BLTP3B: variants seen among roughly 807,000 people sequenced by gnomAD.
BLTP3B encodes the protein UHRF1 (ICBP90) binding protein 1-like.
chr12:100,041,973 G>A, the BLTP3B span, among the ~76,000 whole-genome samples: 1 of 152,086 alleles, frequency 6.6e-6, no homozygotes, highest in Non-Finnish European at 1.5e-5. Context: ...TCTATAATGT[G>A]TAATAAAGAA....
chr12:100,106,724 A>G, the BLTP3B span, among the ~76,000 whole-genome samples: 11 of 152,220 alleles, frequency 7.2e-5, no homozygotes, highest in African/African-American at 2.7e-4. Context: ...CATGTAAACA[A>G]AAACCACTTG....
At chr12:100,045,900 C>A in the BLTP3B span, among the ~76,000 whole-genome samples, 1 of 152,134 alleles carries the variant, frequency 6.6e-6, no homozygotes, top group African/African-American at 2.4e-5. Context: ...CAAACAACCC[C>A]ATTAAAAAGT....
the BLTP3B span, chr12:100,051,316 A>T: frequency 8.8e-7 from 1 of 1,130,552 alleles, no homozygotes; most frequent in Non-Finnish European, 1.2e-6. Flanking sequence ...CTATCCCTTC[A>T]ACTCTTTCTC....
At chr12:100,142,385 C>G in the BLTP3B span, among the ~76,000 whole-genome samples, 4 of 152,182 alleles carry the variant, frequency 2.6e-5, no homozygotes, top group African/African-American at 9.7e-5. Context: ...GGAGAAGACG[C>G]GTCAGGGGCC....
At chr12:100,038,137 A>G in the BLTP3B span, among the ~76,000 whole-genome samples, 1 of 152,034 alleles carries the variant, frequency 6.6e-6, no homozygotes, top group African/African-American at 2.4e-5. Flanking sequence ...CAACCTATGT[A>G]TGCCCTTTTC....
the BLTP3B span, among the ~76,000 whole-genome samples, chr12:100,061,996 C>G: frequency 1.3e-5 from 2 of 152,152 alleles, no homozygotes; most frequent in African/African-American, 4.8e-5. Context: ...TGGGTGGGCC[C>G]TAGTCCATTA....
At chr12:100,068,148 G>GGAC in the BLTP3B span, among the ~76,000 whole-genome samples, 5 of 152,114 alleles carry the variant, frequency 3.3e-5, no homozygotes, top group African/African-American at 1.2e-4. Context: ...ATAAAAATAG[G>GGAC]CACACAGACC....
the BLTP3B span, among the ~76,000 whole-genome samples, chr12:100,039,009 C>T: frequency 6.6e-6 from 1 of 152,128 alleles, no homozygotes; most frequent in Non-Finnish European, 1.5e-5. Flanking sequence ...ACTTTGAGTT[C>T]TTCAATAGTC....
chr12:100,069,939 A>G, the BLTP3B span: 7 of 1,154,012 alleles, frequency 6.1e-6, no homozygotes, highest in South Asian at 2.6e-4. Context: ...TTATTTAAGA[A>G]AAACAATTAT....
the BLTP3B span, chr12:100,050,991 TATGA>T: frequency 6.5e-7 from 1 of 1,531,278 alleles, no homozygotes; most frequent in East Asian, 2.3e-5. Context: ...TCATTTTATA[TATGA>T]ATGTCTCAAA....
At chr12:100,039,070 A>T in the BLTP3B span, among the ~76,000 whole-genome samples, 3 of 152,182 alleles carry the variant, frequency 2.0e-5, no homozygotes, top group Non-Finnish European at 4.4e-5. Context: ...GCTGACATTG[A>T]ATAAATCCTC....
the BLTP3B span, chr12:100,098,579 A>G: frequency 6.4e-7 from 1 of 1,567,898 alleles, no homozygotes; most frequent in South Asian, 1.2e-5. Flanking sequence ...ACTAATGACA[A>G]AACTAATTTT....
the BLTP3B span, among the ~76,000 whole-genome samples, chr12:100,052,178 A>G: frequency 6.6e-6 from 1 of 151,696 alleles, no homozygotes; most frequent in Non-Finnish European, 1.5e-5. Flanking sequence ...GAGTATCTGG[A>G]ATTACAGGAA....
the BLTP3B span, among the ~76,000 whole-genome samples, chr12:100,121,085 C>T: frequency 5.3e-5 from 8 of 152,126 alleles, no homozygotes; most frequent in East Asian, 1.9e-4. Context: ...CAGTGGCACA[C>T]GCCTGTAATC....
chr12:100,079,683 G>T, the BLTP3B span, among the ~76,000 whole-genome samples: 2 of 152,214 alleles, frequency 1.3e-5, no homozygotes, highest in Non-Finnish European at 2.9e-5. Flanking sequence ...CGTAAGTAAA[G>T]AGAAGCCTAA....
At chr12:100,059,527 T>C in the BLTP3B span, 2 of 1,587,288 alleles carry the variant, frequency 1.3e-6, no homozygotes, top group Admixed American at 3.7e-5. Flanking sequence ...TCAGAAGGAA[T>C]GACAAACTAG....
At chr12:100,081,859 T>C in the BLTP3B span, among the ~76,000 whole-genome samples, 5 of 152,362 alleles carry the variant, frequency 3.3e-5, no homozygotes, top group South Asian at 8.3e-4. Flanking sequence ...TTGTGAATAG[T>C]GCTGCCATGA....
the BLTP3B span, among the ~76,000 whole-genome samples, chr12:100,121,634 C>T: frequency 6.6e-6 from 1 of 151,996 alleles, no homozygotes; most frequent in Non-Finnish European, 1.5e-5. Context: ...AGTTTGAGAC[C>T]AGTCTGACCA....
the BLTP3B span, among the ~76,000 whole-genome samples, chr12:100,134,607 ACT>A: frequency 1.4e-5 from 2 of 138,866 alleles, no homozygotes; most frequent in African/African-American, 6.1e-5. Context: ...ACAGAACGAG[ACT>A]CTGTCTCAAA....
Sources: gnomAD v4.1 joint callset for allele counts (sites outside exome capture counted in the v4.1 genomes callset) on GRCh38, gnomAD v4.1.1 for gene constraint, MANE v1.5 for transcripts, NCBI Gene and HGNC (gene_info 2026-07-23, HGNC 2026-07-21) for gene names.